Variants in CFAP54 observed in about 807,000 individuals in gnomAD.
The protein encoded by CFAP54 is cilia and flagella associated protein 54.
CFAP54 carries 290 observed loss-of-function variants against 370.4 expected under a neutral mutation model. The ratio of observed to expected loss-of-function variants is 0.78; its 90% CI spans 0.71 to 0.86. CFAP54 has a LOEUF of 0.86. Among genes scored for constraint, CFAP54 ranks in the 40% least tolerant of loss-of-function variants. CFAP54 has a pLI of 0.00. For synonymous variants in CFAP54, 1,206 were observed against 1,236.5 expected (o/e 0.98, Z 0.52); for missense variants, 3,399 against 3,528.7 (o/e 0.96, Z 0.93).
chr12:96,785,305 G>C (rs563863625), intron 61 of CFAP54, among the ~76,000 whole-genome samples: 1 of 151,766 alleles, frequency 6.6e-6, no homozygotes, highest in East Asian at 2.0e-4. Flanking sequence ...TATTAATTCC[G>C]TGGAGTTTTT....
At chr12:96,576,833 C>T (rs1030635287) in intron 20 of CFAP54, 72 bp downstream of exon 20, 20 of 1,248,990 alleles carry the variant, frequency 1.6e-5, no homozygotes, top group South Asian at 2.9e-5. Context: ...ATGATTCATA[C>T]TTTGATTGCT....
intron 63 of CFAP54, among the ~76,000 whole-genome samples, chr12:96,808,538 A>G (rs1000806966): frequency 2.0e-5 from 3 of 152,206 alleles, no homozygotes; most frequent in Non-Finnish European, 4.4e-5. Flanking sequence ...TCAGAGTCTC[A>G]GTCACATAGG....
chr12:96,638,195 A>G (rs1229344837), intron 32 of CFAP54, among the ~76,000 whole-genome samples: 1 of 139,500 alleles, frequency 7.2e-6, no homozygotes, highest in African/African-American at 2.6e-5. Flanking sequence ...ATATATATAT[A>G]TATATATGCA....
At position 96,540,816 on chromosome 12, in the gene CFAP54, C is replaced by T. The variant is rs13313184; in HGVS notation, c.1927-21C>T. 9,277 of 1,373,992 alleles carry T rather than the reference C, an allele frequency of 6.8e-3. 48 individuals are homozygous for T. The highest frequency in any genetic ancestry group is 0.016 in the African/African-American group (1,060 of 66,994). The allele number at this position is 1,373,992 out of a possible 1,614,324, so 85.1% of individuals were successfully genotyped here. On this transcript the variant is annotated intron_variant, in intron 13 of 67. Coordinates refer to ENST00000524981, the MANE Select transcript of CFAP54 (RefSeq NM_001306084.2). The stretch of plus-strand genomic sequence containing the variant: ...TTTCATATACTTTTAATTAATTTTG[C>T]TGTGTATTTTCTCTTTTTAGTGGAT...
At chr12:96,591,706 G>C (rs1956126147) in intron 23 of CFAP54, among the ~76,000 whole-genome samples, 1 of 151,896 alleles carries the variant, frequency 6.6e-6, no homozygotes, top group South Asian at 2.1e-4. Context: ...TGGCTAACAC[G>C]GTGAAACCCC....
At chr12:96,533,522 C>T (rs1372435435) in intron 9 of CFAP54, among the ~76,000 whole-genome samples, 2 of 152,166 alleles carry the variant, frequency 1.3e-5, no homozygotes, top group Non-Finnish European at 2.9e-5. Context: ...AACTCTTGCT[C>T]ATTCTGTGTT....
chr12:96,789,927 T>C (rs1044080469), intron 62 of CFAP54, among the ~76,000 whole-genome samples: 4 of 152,186 alleles, frequency 2.6e-5, no homozygotes, highest in African/African-American at 9.7e-5. Context: ...GCTTGGCTGA[T>C]TTTTGTAATA....
intron 5 of CFAP54, among the ~76,000 whole-genome samples, chr12:96,516,498 G>A (rs759569733): frequency 2.6e-4 from 39 of 152,158 alleles, no homozygotes; most frequent in Admixed American, 2.3e-3. Context: ...GGGCTCTTCC[G>A]TAGGTGAGAA....
chr12:96,742,646 G>C (rs368247858), intron 52 of CFAP54, 60 bp downstream of exon 52: 2 of 1,401,940 alleles, frequency 1.4e-6, no homozygotes, highest in Non-Finnish European at 9.8e-7. Flanking sequence ...GGTGAAGAGG[G>C]GTTTATTGGG....
chr12:96,616,512 AAGAAAAAGATAAAC>A (rs373853472), intron 26 of CFAP54, among the ~76,000 whole-genome samples: 1,626 of 152,344 alleles, frequency 0.011, 27 homozygotes, highest in African/African-American at 0.037. Flanking sequence ...AAAGTGTAAA[AAGAAAAAGATAAAC>A]AGAAAAAGAT....
In CFAP54 at chr12:96,644,354, A is replaced by T; in HGVS notation, c.4493A>T (p.Gln1498Leu). 6.5e-7 allele frequency: 1 copy of T among 1,536,022 alleles called. No homozygotes were observed. Among genetic ancestry groups the T allele is most frequent in the Non-Finnish European group, 8.7e-7 (1 of 1,146,814 alleles). Reference sequence around the variant, plus strand: ...GGTGCACACTTTAACCTGGTTTTACAAAAGCTATGGGAGTGTACGAAGATG... The same window carrying T: ...GGTGCACACTTTAACCTGGTTTTACTAAAGCTATGGGAGTGTACGAAGATG... ...LAGAHFNLVL[Q>L]KLWECTKMKF... The change falls in exon 33 of 68, where the codon CAA (glutamine) becomes CTA (leucine). Residue 1498 changes from glutamine to leucine, a missense_variant. Coordinates refer to ENST00000524981, the MANE Select transcript of CFAP54 (RefSeq NM_001306084.2).
chr12:96,729,070 G>A (rs1565956640), intron 50 of CFAP54, among the ~76,000 whole-genome samples: 1 of 152,170 alleles, frequency 6.6e-6, no homozygotes. Flanking sequence ...GGCCATGTGA[G>A]GTGTCAGTCT....
intron 26 of CFAP54, among the ~76,000 whole-genome samples, chr12:96,618,959 A>C (rs1287935445): frequency 7.2e-5 from 11 of 152,104 alleles, no homozygotes; most frequent in Admixed American, 7.2e-4. Context: ...CCACCTCCCT[A>C]GCTCAAGCAA....
At chr12:96,792,546 C>T (rs1958712373) in intron 63 of CFAP54, 47 bp downstream of exon 63, 2 of 1,394,718 alleles carry the variant, frequency 1.4e-6, no homozygotes, top group Non-Finnish European at 1.9e-6. Flanking sequence ...ATATATAAAG[C>T]TTAACTAAAC....
intron 42 of CFAP54, among the ~76,000 whole-genome samples, chr12:96,687,779 G>T (rs1454939488): frequency 1.3e-5 from 2 of 152,124 alleles, no homozygotes; most frequent in African/African-American, 2.4e-5. Context: ...CTGAGCTTGT[G>T]ACTTATTGGA....
chr12:96,820,408 T>A (rs1175072945), intron 65 of CFAP54, among the ~76,000 whole-genome samples: 1 of 152,216 alleles, frequency 6.6e-6, no homozygotes, highest in East Asian at 1.9e-4. Flanking sequence ...TGTTGGCATT[T>A]TTAGTTTGAA....
chr12:96,534,090 C>A lies in CFAP54; in HGVS notation c.1568C>A (p.Ala523Glu), dbSNP rs1427431143. 1.3e-6 allele frequency: 2 copies of A among 1,529,794 alleles called. No individual in the cohort carries two copies. The highest frequency in any genetic ancestry group is 1.7e-6 in the Non-Finnish European group (2 of 1,144,214). The allele number at this position is 1,529,794 out of a possible 1,614,324, so 94.8% of individuals were successfully genotyped here. A position where few individuals can be genotyped will look rare whatever the true frequency, so the allele number is the denominator to read the frequency against. The change falls in exon 11 of 68, where the codon GCA becomes GAA. Residue 523 changes from alanine (A) to glutamate (E), a missense_variant. Physicochemically the swap from Ala to Glu is moderately radical, Grantham distance 107. Around this residue, in one of 3 missense-constraint regions of CFAP54, gnomAD observed 44 missense variants for 82.3 expected, o/e 0.53. Coordinates refer to ENST00000524981, the MANE Select transcript of CFAP54 (RefSeq NM_001306084.2). ...CAGGATGATCCAGAGTCAAAGAAAG[C>A]AGAGAAGGATTTAACTCTTCTGATT... ...QRQDDPESKK[A>E]EKDLTLLIAM...
Position 96,834,290 on chromosome 12 carries a change from A to T in CFAP54, c.9171+5202A>T, listed in dbSNP as rs185215361. Among the ~76,000 whole-genome samples the T allele has an allele frequency of 4.7e-3, 719 of 152,334 alleles. 1 individual carries two copies. Among genetic ancestry groups the T allele is most frequent in the Non-Finnish European group, 8.6e-3 (584 of 68,026 alleles). On this transcript the variant is annotated intron_variant, in intron 66 of 67. Coordinates refer to ENST00000524981, the MANE Select transcript of CFAP54 (RefSeq NM_001306084.2). ...GTTAGTGTTATGGGATCTTTGGGGT[A>T]TCGGTTTTCTGGCCTGAAACCTCAG...
chr12:96,715,791 G>T (rs1234174140), intron 48 of CFAP54, among the ~76,000 whole-genome samples: 1 of 152,084 alleles, frequency 6.6e-6, no homozygotes, highest in African/African-American at 2.4e-5. Context: ...TAATTTTAAT[G>T]TAATTTATAT....
Sources: allele counts gnomAD v4.1 joint callset (sites outside exome capture counted in the v4.1 genomes callset), GRCh38; gene constraint gnomAD v4.1.1; regional missense constraint gnomAD v4.1.1; transcripts MANE v1.5; gene names NCBI Gene and HGNC (gene_info 2026-07-23, HGNC 2026-07-21).